The following AGAP3 variants were observed in gnomAD, a reference collection of about 807,000 sequenced individuals.
The protein encoded by AGAP3 is arf-GAP with GTPase, ANK repeat and PH domain-containing protein 3.
In AGAP3, 24 loss-of-function variants were observed where a neutral mutation model predicts 96.9. The ratio of observed to expected loss-of-function variants is 0.25; its 90% CI spans 0.18 to 0.35. The LOEUF (loss-of-function observed/expected upper bound fraction) is 0.35. Among genes scored for constraint, AGAP3 ranks in the 10% least tolerant of loss-of-function variants. The pLI is 1.00. For missense variants in AGAP3, 876 were observed against 1,254.2 expected (o/e 0.70, Z 4.55); for synonymous variants, 563 against 536.1 (o/e 1.05, Z -0.69).
At chr7:151,138,975 C>T (rs1320805584) in intron 12 of AGAP3, among the ~76,000 whole-genome samples, 1 of 152,194 alleles carries the variant, frequency 6.6e-6, no homozygotes, top group South Asian at 2.1e-4. Flanking sequence ...CCCCTTTGTT[C>T]TCTTTCTCTC....
chr7:151,142,431 G>C lies in AGAP3; in HGVS notation c.2070G>C (p.Leu690=), dbSNP rs746478738. Residue 690 remains leucine (L), a synonymous_variant, in exon 16 of 18, where the codon CTG becomes CTC. Coordinates refer to ENST00000397238, the MANE Select transcript of AGAP3 (RefSeq NM_031946.7). This position sits in a 1 kb window ranked among gnomAD's most constrained non-coding sequence, Gnocchi z 7.5. Reference sequence around the variant, plus strand: ...GCCTAGATCCAGACTGGGCCAGCCTGAACCTGGGTGCCCTGATGTGCATTG... The same window carrying C: ...GCCTAGATCCAGACTGGGCCAGCCTCAACCTGGGTGCCCTGATGTGCATTG... ...CDAPNPDWAS[L]NLGALMCIEC... 1 of 1,613,888 alleles carries C rather than the reference G, an allele frequency of 6.2e-7. No homozygotes were observed. Among genetic ancestry groups the C allele is most frequent in the Non-Finnish European group, 8.5e-7 (1 of 1,179,954 alleles).
intron 1 of AGAP3, chr7:151,115,703 C>G (rs961933745): frequency 9.7e-7 from 1 of 1,031,230 alleles, no homozygotes; most frequent in Non-Finnish European, 1.2e-6. Context: ...AAGCCGGACG[C>G]GCCCAGGGCA....
chr7:151,142,621 C>G lies in AGAP3; in HGVS notation c.2260C>G (p.Pro754Ala). ...GALGGYSKPG[P>A]DACREEKERW... ...CTTGGGTGGCTACTCCAAGCCAGGG[C>G]CTGATGCCTGCAGGTGAGCAGATGG... Residue 754 changes from proline (P) to alanine (A), a missense_variant, in exon 16 of 18, where the codon CCT becomes GCT. Physicochemically the swap from Pro to Ala is conservative, Grantham distance 27. Transcript: ENST00000397238. This position sits in a 1 kb window ranked among gnomAD's most constrained non-coding sequence, Gnocchi z 7.5. The G allele has an allele frequency of 1.2e-6, 2 of 1,612,476 alleles. No individual in the cohort carries two copies. The highest frequency in any genetic ancestry group is 8.5e-7 in the Non-Finnish European group (1 of 1,179,958).
At chr7:151,132,176 A>G (rs558847330) in intron 10 of AGAP3, among the ~76,000 whole-genome samples, 2 of 152,264 alleles carry the variant, frequency 1.3e-5, no homozygotes, top group South Asian at 4.1e-4. Flanking sequence ...GGATGGCAGG[A>G]GGGGCTCCTG....
rs35593494 is a variant in AGAP3, at chr7:151,111,374, C to T, written c.332-5419C>T. On this transcript the variant is annotated intron_variant, in intron 1 of 17. Coordinates refer to ENST00000397238, the MANE Select transcript of AGAP3 (RefSeq NM_031946.7). ...TTCAGGAGAAGGCTTATCCATCCTC[C>T]CTCATCTCCTCGAAAGAAATCTGCC... 7.3e-3 allele frequency among the ~76,000 whole-genome samples: 1,112 copies of T among 152,302 alleles called. 11 individuals are homozygous for T. Among genetic ancestry groups the T allele is most frequent in the African/African-American group, 0.025 (1,051 of 41,554 alleles).
At chr7:151,110,355 G>A (rs1371889767) in intron 1 of AGAP3, among the ~76,000 whole-genome samples, 1 of 152,236 alleles carries the variant, frequency 6.6e-6, no homozygotes, top group African/African-American at 2.4e-5. Flanking sequence ...GAGATGGTCA[G>A]CCTCCCAAGG....
chr7:151,118,437 G>T lies in AGAP3; in HGVS notation c.842-68G>T. The T allele has an allele frequency of 1.9e-6, 3 of 1,600,994 alleles. No individual in the cohort carries two copies. Among genetic ancestry groups the T allele is most frequent in the East Asian group, 4.5e-5 (2 of 44,542 alleles). Reference sequence around the variant, plus strand: ...AGTGAGAGCAAGGCTGTGTGTCTGGGGGGAGGTGCTAAGCCAGGCTTTTCC... The same window carrying T: ...AGTGAGAGCAAGGCTGTGTGTCTGGTGGGAGGTGCTAAGCCAGGCTTTTCC... On this transcript the variant is annotated intron_variant, in intron 6 of 17. Coordinates refer to ENST00000397238, the MANE Select transcript of AGAP3 (RefSeq NM_031946.7). The surrounding 1 kb of genome is among the most constrained non-coding windows in gnomAD (Gnocchi z 6.1).
At chr7:151,110,521 A>G (rs1665904126) in intron 1 of AGAP3, among the ~76,000 whole-genome samples, 1 of 152,224 alleles carries the variant, frequency 6.6e-6, no homozygotes, top group East Asian at 1.9e-4. Flanking sequence ...CTGGAACAGA[A>G]TAAGGGGATT....
At chr7:151,100,894 C>T (rs777684027) in intron 1 of AGAP3, among the ~76,000 whole-genome samples, 2 of 152,170 alleles carry the variant, frequency 1.3e-5, no homozygotes, top group African/African-American at 4.8e-5. Flanking sequence ...TGTCAGGACT[C>T]CTTGCCCCCA....
chr7:151,132,343 T>G (rs891677513), intron 10 of AGAP3, among the ~76,000 whole-genome samples: 5 of 152,158 alleles, frequency 3.3e-5, no homozygotes, highest in African/African-American at 1.2e-4. Context: ...TCTGGGACAA[T>G]GAACAAGACT....
intron 1 of AGAP3, among the ~76,000 whole-genome samples, chr7:151,105,205 C>G (rs934865248): frequency 1.3e-5 from 2 of 152,188 alleles, no homozygotes; most frequent in Non-Finnish European, 2.9e-5. Context: ...AGAGGATTTT[C>G]CTCTCCTCAT....
At chr7:151,091,148 C>A (rs1368870806) in intron 1 of AGAP3, among the ~76,000 whole-genome samples, 1 of 152,158 alleles carries the variant, frequency 6.6e-6, no homozygotes, top group African/African-American at 2.4e-5. Flanking sequence ...GGTGGGCACT[C>A]CCTGGCCGGG....
intron 8 of AGAP3, chr7:151,122,600 T>C (rs1799962875): frequency 1.9e-6 from 2 of 1,065,750 alleles, no homozygotes; most frequent in Non-Finnish European, 2.7e-6. Context: ...CTCCTCCTCC[T>C]CCTCCTCTTC....
At chr7:151,131,777 C>G in intron 10 of AGAP3, among the ~76,000 whole-genome samples, 1 of 152,248 alleles carries the variant, frequency 6.6e-6, no homozygotes, top group East Asian at 1.9e-4. Flanking sequence ...CCCTGCAACT[C>G]TTCTTCTTGG....
intron 1 of AGAP3, among the ~76,000 whole-genome samples, chr7:151,091,252 C>T (rs1018761165): frequency 3.3e-5 from 5 of 152,222 alleles, no homozygotes; most frequent in Non-Finnish European, 7.3e-5. Flanking sequence ...GTGCCGGGGA[C>T]ATGCATCTGG....
chr7:151,132,924 T>C (rs1800454206), intron 10 of AGAP3, among the ~76,000 whole-genome samples: 2 of 152,156 alleles, frequency 1.3e-5, no homozygotes, highest in African/African-American at 2.4e-5. Flanking sequence ...CAGAGGACAG[T>C]GTCAGTTTTC....
At position 151,139,199 on chromosome 7, in the gene AGAP3, A is replaced by G. The variant is rs1454243329; in HGVS notation, c.1667-780A>G. 1.3e-5 allele frequency among the ~76,000 whole-genome samples: 2 copies of G among 152,176 alleles called. No homozygotes were observed. The highest frequency in any genetic ancestry group is 2.9e-5 in the Non-Finnish European group (2 of 68,024). ...GCTCTCCCAGCTGATTGGCTTCCCA[A>G]AGGCCTTCCCTGAGCCCTCCCAGTA... On this transcript the variant is annotated intron_variant, in intron 12 of 17. Transcript: ENST00000397238. This position sits in a 1 kb window ranked among gnomAD's most constrained non-coding sequence, Gnocchi z 4.9.
At position 151,118,194 on chromosome 7, in the gene AGAP3, C is replaced by T; in HGVS notation, c.707-16C>T. The T allele has an allele frequency of 1.3e-6, 2 of 1,597,656 alleles. No homozygotes were observed. Among genetic ancestry groups the T allele is most frequent in the South Asian group, 1.1e-5 (1 of 89,916 alleles). Reference sequence around the variant, plus strand: ...CTCCGAAAGCTGAATGACTCCCGCCCTCCCACCTCCAACAGATGCCATCAG... The same window carrying T: ...CTCCGAAAGCTGAATGACTCCCGCCTTCCCACCTCCAACAGATGCCATCAG... On this transcript the variant is annotated splice_polypyrimidine_tract_variant and intron_variant, in intron 5 of 17. Coordinates refer to ENST00000397238, the MANE Select transcript of AGAP3 (RefSeq NM_031946.7). The surrounding 1 kb of genome is among the most constrained non-coding windows in gnomAD (Gnocchi z 6.1).
intron 9 of AGAP3, among the ~76,000 whole-genome samples, chr7:151,124,586 T>C (rs1800078032): frequency 6.6e-6 from 1 of 152,086 alleles, no homozygotes; most frequent in Non-Finnish European, 1.5e-5. Flanking sequence ...TGGGATCTGG[T>C]GGTTGGAGAG....
Sources: allele counts gnomAD v4.1 joint callset (sites outside exome capture counted in the v4.1 genomes callset), GRCh38; gene constraint gnomAD v4.1.1; non-coding constraint Gnocchi (gnomAD v3.1); transcripts MANE v1.5; gene names NCBI Gene and HGNC (gene_info 2026-07-23, HGNC 2026-07-21).